The following DYRK1A variants were observed in gnomAD, a reference collection of about 807,000 sequenced individuals.
DYRK1A encodes dual specificity tyrosine-phosphorylation-regulated kinase 1A.
In DYRK1A, 9 loss-of-function variants were observed where a neutral mutation model predicts 79.7. The observed-to-expected ratio is 0.11, with a 90% CI of 0.07 to 0.20. The LOEUF (loss-of-function observed/expected upper bound fraction) is 0.20. DYRK1A is among the 10% of genes least tolerant of loss of function. DYRK1A has a pLI of 1.00. For synonymous variants in DYRK1A, 349 were observed against 329.7 expected (o/e 1.06, Z -0.63); for missense variants, 622 against 956.0 (o/e 0.65, Z 4.61).
intron 2 of DYRK1A, among the ~76,000 whole-genome samples, chr21:37,456,763 G>T (rs2051652275): frequency 6.6e-6 from 1 of 152,106 alleles, no homozygotes; most frequent in South Asian, 2.1e-4. Context: ...ACCTCTTTGT[G>T]TGTACAATGC....
chr21:37,503,393 G>A (rs2053508360), intron 9 of DYRK1A: 1 of 152,104 alleles, frequency 6.6e-6, no homozygotes, highest in South Asian at 2.1e-4. Context: ...AGTCCAGTCT[G>A]TTGTTGAATC....
At position 37,493,954 on chromosome 21, in the gene DYRK1A, T is replaced by C. The variant is rs1452079717; in HGVS notation, c.1071+791T>C. Among the ~76,000 whole-genome samples, 66 of 146,320 alleles carry C rather than the reference T, an allele frequency of 4.5e-4. 1 individual carries two copies. Among genetic ancestry groups the C allele is most frequent in the African/African-American group, 9.3e-4 (37 of 39,950 alleles). On this transcript the variant is annotated intron_variant, in intron 8 of 11. Coordinates refer to ENST00000647188, the MANE Select transcript of DYRK1A (RefSeq NM_001347721.2). ...TCTTCTTTTTTTTTTTTTTTTTTTT[T>C]CCCGGAGATGGAGTCTTGCTCTGTC... is the stretch of plus-strand genomic sequence containing the variant.
At chr21:37,409,840 C>T (rs1265634985) in intron 1 of DYRK1A, among the ~76,000 whole-genome samples, 9 of 152,120 alleles carry the variant, frequency 5.9e-5, no homozygotes, top group East Asian at 3.9e-4. Context: ...GGTATAACTT[C>T]CCCCCTCATG....
At chr21:37,488,748 C>T (rs1440749985) in intron 6 of DYRK1A, 1 of 985,230 alleles carries the variant, frequency 1.0e-6, no homozygotes, top group Non-Finnish European at 1.2e-6. Context: ...CACAGAGCTT[C>T]TTAAAGGAAT....
At position 37,519,524 on chromosome 21, in the gene DYRK1A, C is replaced by T. The variant is rs1180877488; in HGVS notation, c.*6993C>T. On this transcript the variant is annotated 3_prime_UTR_variant, in exon 12 of 12. Coordinates refer to ENST00000647188, the MANE Select transcript of DYRK1A (RefSeq NM_001347721.2). ...GCGGCTAAACAGCGGAGTCCACAGC[C>T]TGAATGGAACTTCTTTTTCTACGTA... 1 of 152,176 alleles carries T rather than the reference C, an allele frequency of 6.6e-6. No homozygotes were observed. Among genetic ancestry groups the T allele is most frequent in the East Asian group, 1.9e-4 (1 of 5,192 alleles). 9.4% of individuals were successfully genotyped at this position (152,176 alleles called of 1,614,324 possible).
chr21:37,369,527 A>G (rs1019751350), intron 1 of DYRK1A, among the ~76,000 whole-genome samples: 7 of 152,242 alleles, frequency 4.6e-5, no homozygotes, highest in African/African-American at 1.7e-4. Flanking sequence ...AAACCATGCC[A>G]GAAAGTTAAG....
chr21:37,394,925 G>A (rs1191757614), intron 1 of DYRK1A, among the ~76,000 whole-genome samples: 1 of 152,222 alleles, frequency 6.6e-6, no homozygotes, highest in Non-Finnish European at 1.5e-5. Flanking sequence ...TGGGTTACGT[G>A]TTACAGTTCA....
At chr21:37,467,797 T>G (rs965891092) in intron 2 of DYRK1A, among the ~76,000 whole-genome samples, 1 of 152,112 alleles carries the variant, frequency 6.6e-6, no homozygotes, top group Non-Finnish European at 1.5e-5. Flanking sequence ...TTTCCAAGAT[T>G]GAGAATATGT....
intron 11 of DYRK1A, among the ~76,000 whole-genome samples, chr21:37,507,419 T>C (rs2053629304): frequency 6.6e-6 from 1 of 152,196 alleles, no homozygotes; most frequent in Non-Finnish European, 1.5e-5. Flanking sequence ...TCCCCCTTTC[T>C]TTCCCTATAC....
Position 37,523,651 on chromosome 21 carries a change from C to T in DYRK1A, c.*11120C>T, listed in dbSNP as rs1249393122. On this transcript the variant is annotated 3_prime_UTR_variant, in exon 12 of 12. Transcript: ENST00000647188. ...TTCCTGCCCATTGCAGATTAGGCAT[C>T]AGCAAGGTACCCTCCTGTTTTTGTA... is the stretch of plus-strand genomic sequence containing the variant. 6.6e-6 allele frequency: 1 copy of T among 152,182 alleles called. No homozygotes were observed. Among genetic ancestry groups the T allele is most frequent in the East Asian group, 1.9e-4 (1 of 5,196 alleles). The allele number at this position is 152,182 out of a possible 1,614,324, so 9.4% of individuals were successfully genotyped here. A position where few individuals can be genotyped will look rare whatever the true frequency, so the allele number is the denominator to read the frequency against.
Position 37,516,104 on chromosome 21 carries a change from A to G in DYRK1A, c.*3573A>G, listed in dbSNP as rs1485718898. ...GTCGCAGAATGCAGGTTCAGATGCG[A>G]TCCGGTGCATTCTGGGTGGTATCCC... is the stretch of plus-strand genomic sequence containing the variant. On this transcript the variant is annotated 3_prime_UTR_variant, in exon 12 of 12. Coordinates refer to ENST00000647188, the MANE Select transcript of DYRK1A (RefSeq NM_001347721.2). 2.6e-5 allele frequency: 4 copies of G among 152,174 alleles called. No individual in the cohort carries two copies. Among genetic ancestry groups the G allele is most frequent in the Non-Finnish European group, 5.9e-5 (4 of 68,026 alleles). 9.4% of individuals were successfully genotyped at this position (152,174 alleles called of 1,614,324 possible). A position where few individuals can be genotyped will look rare whatever the true frequency, so the allele number is the denominator to read the frequency against.
At chr21:37,444,783 G>T (rs780131760) in intron 2 of DYRK1A, among the ~76,000 whole-genome samples, 5 of 152,156 alleles carry the variant, frequency 3.3e-5, no homozygotes, top group Non-Finnish European at 5.9e-5. Flanking sequence ...AGAAAATCCA[G>T]ATTGCAGAAA....
intron 5 of DYRK1A, among the ~76,000 whole-genome samples, chr21:37,483,229 G>A (rs1477024931): frequency 6.6e-6 from 1 of 152,144 alleles, no homozygotes; most frequent in Non-Finnish European, 1.5e-5. Context: ...TATTAATTTG[G>A]GGAACTAATA....
intron 2 of DYRK1A, among the ~76,000 whole-genome samples, chr21:37,470,142 T>G (rs1468349563): frequency 1.3e-5 from 2 of 152,086 alleles, no homozygotes; most frequent in Non-Finnish European, 2.9e-5. Context: ...AGACTCTGTC[T>G]CAAAAATAAA....
intron 2 of DYRK1A, among the ~76,000 whole-genome samples, chr21:37,448,325 A>T (rs1173578091): frequency 6.6e-6 from 1 of 152,026 alleles, no homozygotes; most frequent in African/African-American, 2.4e-5. Context: ...AATTTTTACA[A>T]TTTTTTTTAA....
Position 37,516,411 on chromosome 21 carries a change from C to G in DYRK1A, c.*3880C>G, listed in dbSNP as rs2053881222. 1 of 152,214 alleles carries G rather than the reference C, an allele frequency of 6.6e-6. No homozygotes were observed. Among genetic ancestry groups the G allele is most frequent in the South Asian group, 2.1e-4 (1 of 4,832 alleles). 9.4% of individuals were successfully genotyped at this position (152,214 alleles called of 1,614,324 possible). A position where few individuals can be genotyped will look rare whatever the true frequency, so the allele number is the denominator to read the frequency against. On this transcript the variant is annotated 3_prime_UTR_variant, in exon 12 of 12. Coordinates refer to ENST00000647188, the MANE Select transcript of DYRK1A (RefSeq NM_001347721.2). The stretch of plus-strand genomic sequence containing the variant: ...AGGAGAAGTTCTGATTTTCATAACC[C>G]TGGTTTCTTATCTAGGCCTGTTTCC...
intron 11 of DYRK1A, 105 bp from the exon 12 acceptor site, chr21:37,511,806 C>G: frequency 1.5e-6 from 2 of 1,334,758 alleles, no homozygotes; most frequent in Middle Eastern, 1.9e-4. Context: ...AACCGTTTCC[C>G]CCTGATTAAT....
chr21:37,470,191 A>G (rs1009150547), intron 2 of DYRK1A, among the ~76,000 whole-genome samples: 1 of 152,128 alleles, frequency 6.6e-6, no homozygotes, highest in African/African-American at 2.4e-5. Context: ...TCAGGATAGT[A>G]GTAACTTTTG....
chr21:37,398,146 T>A lies in DYRK1A; in HGVS notation c.-76-22153T>A, dbSNP rs549688722. On this transcript the variant is annotated intron_variant, in intron 1 of 11. Transcript: ENST00000647188. The stretch of plus-strand genomic sequence containing the variant: ...TTTATATATGTGTATATATATATAT[T>A]TTTTTACCCTGCAGTGTACACACAC... 1.3e-3 allele frequency among the ~76,000 whole-genome samples: 196 copies of A among 148,494 alleles called. 2 individuals carry two copies. The highest frequency in any genetic ancestry group is 2.1e-3 in the Non-Finnish European group (144 of 67,312).
Sources: gnomAD v4.1 joint callset for allele counts (sites outside exome capture counted in the v4.1 genomes callset) on GRCh38, gnomAD v4.1.1 for gene constraint, MANE v1.5 for transcripts, NCBI Gene and HGNC (gene_info 2026-07-23, HGNC 2026-07-21) for gene names.